TEC: variants seen among roughly 807,000 people sequenced by gnomAD.
The protein encoded by TEC is tec protein tyrosine kinase.
Under a neutral mutation model 93.0 loss-of-function variants are expected in TEC, and 72 were observed. That is an observed-to-expected ratio of 0.77 (90% CI 0.64 to 0.94). TEC has a LOEUF of 0.94. TEC is among the 40% of genes least tolerant of loss of function. The probability of loss-of-function intolerance (pLI) is 0.00; values close to 1 mark genes in which losing one functional copy is unlikely to be tolerated. For synonymous variants in TEC, 249 were observed against 247.7 expected (o/e 1.01, Z -0.05); for missense variants, 630 against 757.9 (o/e 0.83, Z 1.98).
At chr4:48,261,336 AG>A (rs1724492697) in intron 1 of TEC, among the ~76,000 whole-genome samples, 1 of 152,250 alleles carries the variant, frequency 6.6e-6, no homozygotes, top group Non-Finnish European at 1.5e-5. Context: ...TCACCCAAGC[AG>A]GAAAATGAAG....
chr4:48,170,692 A>T (rs1463392623), intron 4 of TEC, among the ~76,000 whole-genome samples: 2 of 152,134 alleles, frequency 1.3e-5, no homozygotes, highest in Non-Finnish European at 2.9e-5. Context: ...ATCCATTTAA[A>T]CCCTTCATGA....
rs570301052 is a variant in TEC at position 48,225,751 on chromosome 4, T to C, written c.138+2726A>G. ...TTTTTACTACTGACAATTATTTTACTATGAGAGGCAAACAAATCTGTGACC... is the reference window on the plus strand; with the variant it reads ...TTTTTACTACTGACAATTATTTTACCATGAGAGGCAAACAAATCTGTGACC... On this transcript the variant is annotated intron_variant, in intron 2 of 17. Transcript: ENST00000381501. 3.3e-5 allele frequency among the ~76,000 whole-genome samples: 5 copies of C among 152,020 alleles called. No homozygotes were observed. In the East Asian group the frequency reaches 9.7e-4, roughly 29 times the overall value.
At chr4:48,221,670 C>T (rs4695361) in intron 2 of TEC, among the ~76,000 whole-genome samples, 12,100 of 152,122 alleles carry the variant, frequency 0.08, 660 homozygotes, top group East Asian at 0.31. Flanking sequence ...GGCTTCACTA[C>T]GTAGGCATGA....
At chr4:48,236,989 C>T (rs1485722036) in intron 1 of TEC, among the ~76,000 whole-genome samples, 1 of 152,068 alleles carries the variant, frequency 6.6e-6, no homozygotes. Flanking sequence ...TCACTATATG[C>T]CCCACAAATA....
Position 48,137,209 on chromosome 4 carries a change from A to G in TEC, c.*207T>C. On this transcript the variant is annotated 3_prime_UTR_variant, in exon 18 of 18. Coordinates refer to ENST00000381501, the MANE Select transcript of TEC (RefSeq NM_003215.3). ...TGAATAGAAATGAGTGATTTTAATC[A>G]CCATTTCTAAGGCAACATTTCCACA... 5.4e-6 allele frequency: 3 copies of G among 558,242 alleles called. No homozygotes were observed. In the South Asian group the frequency reaches 7.0e-5, roughly 13 times the overall value. 34.6% of individuals were successfully genotyped at this position (558,242 alleles called of 1,614,324 possible). A position where few individuals can be genotyped will look rare whatever the true frequency, so the allele number is the denominator to read the frequency against.
intron 2 of TEC, among the ~76,000 whole-genome samples, chr4:48,215,395 T>A (rs1310968008): frequency 1.3e-5 from 2 of 152,142 alleles, no homozygotes; most frequent in East Asian, 3.9e-4. Flanking sequence ...TAATCCCAGC[T>A]ACCTGGGAGG....
chr4:48,262,024 A>C (rs959042068), intron 1 of TEC, among the ~76,000 whole-genome samples: 1 of 152,136 alleles, frequency 6.6e-6, no homozygotes, highest in African/African-American at 2.4e-5. Context: ...TGTCCTTTCA[A>C]GAATGTTTTC....
At chr4:48,174,143 T>G (rs1217347361) in intron 3 of TEC, among the ~76,000 whole-genome samples, 2 of 152,244 alleles carry the variant, frequency 1.3e-5, no homozygotes, top group Non-Finnish European at 2.9e-5. Context: ...TTTTTCAGAT[T>G]GTTTTCAAAC....
At chr4:48,266,077 A>G (rs1370291935) in intron 1 of TEC, among the ~76,000 whole-genome samples, 2 of 152,226 alleles carry the variant, frequency 1.3e-5, no homozygotes, top group Non-Finnish European at 2.9e-5. Context: ...AAGTCAATAG[A>G]ACAATGCCTT....
chr4:48,156,837 C>A, intron 8 of TEC, 103 bp from the exon 9 acceptor site: 2 of 841,286 alleles, frequency 2.4e-6, no homozygotes, highest in African/African-American at 1.8e-5. Flanking sequence ...ATAAATATAA[C>A]AAATAAGAAC....
At position 48,176,189 on chromosome 4, in the gene TEC, G is replaced by A; in HGVS notation, c.139-3C>T. The stretch of plus-strand genomic sequence containing the variant: ...ATAAACCCCTTTCTGTATTTCTTCT[G>A]TTAAAAGAAAAAAAGGAGAAACATT... On this transcript the variant is annotated splice_polypyrimidine_tract_variant and splice_region_variant and intron_variant, in intron 2 of 17. Transcript: ENST00000381501. 1 of 1,592,948 alleles carries A rather than the reference G, an allele frequency of 6.3e-7. No homozygotes were observed. The highest frequency in any genetic ancestry group is 8.6e-7 in the Non-Finnish European group (1 of 1,163,904).
chr4:48,152,215 C>T (rs1326233658), intron 9 of TEC, among the ~76,000 whole-genome samples: 1 of 152,056 alleles, frequency 6.6e-6, no homozygotes, highest in Non-Finnish European at 1.5e-5. Context: ...CAGTTGAGGT[C>T]GTGAGTTTAA....
intron 8 of TEC, among the ~76,000 whole-genome samples, chr4:48,161,274 T>C (rs906959902): frequency 2.0e-5 from 3 of 152,224 alleles, no homozygotes; most frequent in Non-Finnish European, 4.4e-5. Flanking sequence ...CTTCTAACTA[T>C]GCCACCCACT....
In TEC at chr4:48,208,643, T is replaced by C. The variant is rs370380732; in HGVS notation, c.138+19834A>G. Among the ~76,000 whole-genome samples the C allele has an allele frequency of 8.4e-4, 128 of 152,238 alleles. 1 individual carries two copies. The South Asian group carries it at 0.025, about 30-fold the overall frequency. ...TGCCCTGCTCTTCCTAAGTTCTCTA[T>C]TCCCTACCTACAGAAACAGCAGGCA... is the stretch of plus-strand genomic sequence containing the variant. On this transcript the variant is annotated intron_variant, in intron 2 of 17. Transcript: ENST00000381501.
chr4:48,212,735 C>A (rs906360473), intron 2 of TEC, among the ~76,000 whole-genome samples: 2 of 152,182 alleles, frequency 1.3e-5, no homozygotes, highest in African/African-American at 4.8e-5. Context: ...TGGGCAAGTG[C>A]AAACAACGGT....
At chr4:48,153,156 C>T (rs994299468) in intron 9 of TEC, among the ~76,000 whole-genome samples, 1 of 151,320 alleles carries the variant, frequency 6.6e-6, no homozygotes, top group East Asian at 1.9e-4. Flanking sequence ...TCTATTAACG[C>T]TTTATTTATA....
At chr4:48,234,685 C>T (rs181357106) in intron 1 of TEC, among the ~76,000 whole-genome samples, 202 of 152,246 alleles carry the variant, frequency 1.3e-3, no homozygotes, top group African/African-American at 4.7e-3. Flanking sequence ...CCGTCATAAT[C>T]AGGTAAACAA....
rs189874776 is a variant in TEC at position 48,212,419 on chromosome 4, C to T, written c.138+16058G>A. ...AGTAGAACAGTGTGGTTTAACAGTA[C>T]ACTCGCCCGAAAGATAAGACATCTT... On this transcript the variant is annotated intron_variant, in intron 2 of 17. Transcript: ENST00000381501. Among the ~76,000 whole-genome samples the T allele has an allele frequency of 1.6e-3, 238 of 152,234 alleles. 1 individual carries two copies. The highest frequency in any genetic ancestry group is 2.3e-3 in the Non-Finnish European group (159 of 68,012).
intron 1 of TEC, among the ~76,000 whole-genome samples, chr4:48,262,393 C>T (rs1262205811): frequency 3.3e-5 from 5 of 151,678 alleles, no homozygotes; most frequent in Admixed American, 3.3e-4. Flanking sequence ...GATGGGGTTT[C>T]ACCATATTGG....
Sources: allele counts gnomAD v4.1 joint callset (sites outside exome capture counted in the v4.1 genomes callset), GRCh38; gene constraint gnomAD v4.1.1; transcripts MANE v1.5; gene names NCBI Gene and HGNC (gene_info 2026-07-23, HGNC 2026-07-21).